The following TM4SF19 variants were observed in gnomAD, a reference collection of about 807,000 sequenced individuals.
TM4SF19 encodes transmembrane 4 L6 family member 19.
Under a neutral mutation model 21.8 loss-of-function variants are expected in TM4SF19, and 17 were observed. The observed-to-expected ratio is 0.78, with a 90% CI of 0.53 to 1.17. The LOEUF is 1.17. Among genes scored for constraint, TM4SF19 ranks in the 50% most tolerant of loss-of-function variants. The pLI is 0.00. For synonymous variants in TM4SF19, 107 were observed against 106.7 expected, an observed-to-expected ratio of 1.00 and a Z score of -0.02; for missense variants, 216 against 252.1, an observed-to-expected ratio of 0.86 and a Z score of 0.97.
chr3:196,330,398 T>A (rs903974294), intron 1 of TM4SF19, among the ~76,000 whole-genome samples: 2 of 152,170 alleles, frequency 1.3e-5, no homozygotes, highest in Non-Finnish European at 2.9e-5. Flanking sequence ...ATGGTTAAAA[T>A]GACAAATCTG....
intron 1 of TM4SF19, among the ~76,000 whole-genome samples, chr3:196,333,733 G>A (rs927705188): frequency 2.0e-5 from 3 of 152,062 alleles, no homozygotes; most frequent in Non-Finnish European, 4.4e-5. Flanking sequence ...ATGTATCCCC[G>A]GATCTAAAAT....
chr3:196,326,648 T>C (rs1319403593), intron 3 of TM4SF19, among the ~76,000 whole-genome samples: 4 of 152,128 alleles, frequency 2.6e-5, no homozygotes, highest in Non-Finnish European at 5.9e-5. Flanking sequence ...CTCATGTCCA[T>C]ATTGTCCAAC....
Position 196,326,389 on chromosome 3 carries a change from A to AGT in TM4SF19, c.279+564_279+565dup, listed in dbSNP as rs10604679. 6.8e-3 allele frequency among the ~76,000 whole-genome samples: 1,017 copies of AGT among 150,366 alleles called. 7 individuals are homozygous for AGT. The highest frequency in any genetic ancestry group is 0.011 in the African/African-American group (459 of 40,976). On this transcript the variant is annotated intron_variant, in intron 3 of 4. Coordinates refer to ENST00000273695, the MANE Select transcript of TM4SF19 (RefSeq NM_138461.4). Reference sequence around the variant, plus strand: ...GGCCACAGATTCATGTCTGAGAACGAGTGTGTGTGTGTGTGTGTGTGTGTG... The same window carrying AGT: ...GGCCACAGATTCATGTCTGAGAACGAGTGTGTGTGTGTGTGTGTGTGTGTGTG...
intron 1 of TM4SF19, among the ~76,000 whole-genome samples, chr3:196,332,495 GGAA>G (rs1727557022): frequency 7.3e-6 from 1 of 137,330 alleles, no homozygotes; most frequent in Non-Finnish European, 1.6e-5. Context: ...GAAGGGGAAG[GGAA>G]GAAAAAAAAT....
intron 1 of TM4SF19, among the ~76,000 whole-genome samples, chr3:196,332,444 G>A (rs1349008715): frequency 7.3e-6 from 1 of 136,916 alleles, no homozygotes; most frequent in Non-Finnish European, 1.6e-5. Flanking sequence ...GGGAGGGAGG[G>A]AGGAAGGAAG....
intron 2 of TM4SF19, 46 bp downstream of exon 2, chr3:196,327,344 C>T (rs775576657): frequency 1.1e-5 from 17 of 1,578,552 alleles, no homozygotes; most frequent in South Asian, 4.4e-5. Flanking sequence ...TGCTCCCCGC[C>T]GGGGTCTCTT....
At chr3:196,331,108 T>C (rs1026054902) in intron 1 of TM4SF19, among the ~76,000 whole-genome samples, 1 of 151,956 alleles carries the variant, frequency 6.6e-6, no homozygotes, top group Admixed American at 6.6e-5. Flanking sequence ...ACCGTGTCTC[T>C]ATTAAAAAAT....
At chr3:196,324,595 C>A (rs1192894327) in intron 3 of TM4SF19, 155 bp from the exon 4 acceptor site, 7 of 698,694 alleles carry the variant, frequency 1.0e-5, no homozygotes, top group Non-Finnish European at 9.7e-6. Flanking sequence ...GTTCTTCCGT[C>A]CTGTCATGGG....
chr3:196,330,524 T>C (rs963095578), intron 1 of TM4SF19, among the ~76,000 whole-genome samples: 2 of 152,168 alleles, frequency 1.3e-5, no homozygotes, highest in African/African-American at 4.8e-5. Flanking sequence ...TGAGTTCTAT[T>C]AGGTAATAAA....
chr3:196,331,281 A>C (rs565818976), intron 1 of TM4SF19, among the ~76,000 whole-genome samples: 83 of 148,996 alleles, frequency 5.6e-4, no homozygotes, highest in Middle Eastern at 3.5e-3. Context: ...TATCTAAAAA[A>C]AAAATATATA....
At chr3:196,328,810 T>C (rs1212684727) in intron 1 of TM4SF19, among the ~76,000 whole-genome samples, 1 of 152,144 alleles carries the variant, frequency 6.6e-6, no homozygotes, top group Non-Finnish European at 1.5e-5. Flanking sequence ...CAAACAAAGC[T>C]GGAGAACTTA....
intron 1 of TM4SF19, among the ~76,000 whole-genome samples, chr3:196,333,645 G>A (rs571440875): frequency 3.9e-5 from 6 of 152,252 alleles, no homozygotes; most frequent in South Asian, 2.1e-4. Flanking sequence ...TGTAGGTACC[G>A]CGCTCACTAC....
chr3:196,332,765 A>G (rs957685083), intron 1 of TM4SF19, among the ~76,000 whole-genome samples: 2 of 151,896 alleles, frequency 1.3e-5, no homozygotes, highest in Non-Finnish European at 2.9e-5. Context: ...AACCCGTTGT[A>G]AGTCAAAATA....
rs1462809198 is a variant in TM4SF19, at chr3:196,327,569, G to T, written c.22C>A (p.Gln8Lys). 7 of 1,613,728 alleles carry T rather than the reference G, an allele frequency of 4.3e-6. No individual in the cohort carries two copies. The highest frequency in any genetic ancestry group is 4.2e-6 in the Non-Finnish European group (5 of 1,179,994). Residue 8 changes from glutamine to lysine, a missense_variant, in exon 2 of 5, where the codon CAG (glutamine) becomes AAG (lysine). Transcript: ENST00000273695. ...CGGGAGCAAGTCCGTGAGCTTGCCT[G>T]CGTGCAGGGAGAGGACACCATCCTG... MVSSPCT[Q>K]ASSRTCSRIL...
At position 196,334,457 on chromosome 3, in the gene TM4SF19, AT is replaced by A. The variant is rs1240533464; in HGVS notation, c.-2+3806del. ...AAACAGACCCGGTCCAGGATAAATA[AT>A]TTTTTTTTTTCTTGAGACAGAGTCT... On this transcript the variant is annotated intron_variant, in intron 1 of 4. Transcript: ENST00000273695. 5.4e-3 allele frequency among the ~76,000 whole-genome samples: 790 copies of A among 146,310 alleles called. 4 individuals are homozygous for A. Among genetic ancestry groups the A allele is most frequent in the African/African-American group, 0.018 (726 of 39,866 alleles).
intron 1 of TM4SF19, among the ~76,000 whole-genome samples, chr3:196,328,826 T>C (rs1727404589): frequency 6.6e-6 from 1 of 152,190 alleles, no homozygotes; most frequent in African/African-American, 2.4e-5. Flanking sequence ...ACTTACGCCA[T>C]GTGATTTCAA....
At chr3:196,330,539 G>A (rs919056057) in intron 1 of TM4SF19, among the ~76,000 whole-genome samples, 9 of 152,120 alleles carry the variant, frequency 5.9e-5, no homozygotes, top group East Asian at 1.9e-4. Flanking sequence ...AATAAAATGC[G>A]TAAATTTCTG....
At chr3:196,331,348 T>C (rs1190191828) in intron 1 of TM4SF19, among the ~76,000 whole-genome samples, 1 of 151,174 alleles carries the variant, frequency 6.6e-6, no homozygotes, top group South Asian at 2.1e-4. Context: ...CAGACTCATG[T>C]CAATGTGGAT....
chr3:196,333,770 T>G (rs1055209538), intron 1 of TM4SF19, among the ~76,000 whole-genome samples: 9 of 152,102 alleles, frequency 5.9e-5, no homozygotes, highest in African/African-American at 1.7e-4. Flanking sequence ...TTTTTAAAAT[T>G]TGCATTAAAG....
Sources: allele counts gnomAD v4.1 joint callset (sites outside exome capture counted in the v4.1 genomes callset), GRCh38; gene constraint gnomAD v4.1.1; transcripts MANE v1.5; gene names NCBI Gene and HGNC (gene_info 2026-07-23, HGNC 2026-07-21).